Variants in EXTL3 observed in about 807,000 individuals in gnomAD.
EXTL3 encodes exostosin-like 3.
A neutral mutation model predicts 69.3 loss-of-function variants in EXTL3; 27 were observed. The ratio of observed to expected loss-of-function variants is 0.39; its 90% CI spans 0.29 to 0.54. The LOEUF (loss-of-function observed/expected upper bound fraction) is 0.54, where lower values mean the gene tolerates loss of function less well. Ranked by LOEUF, EXTL3 falls within the 20% of genes least tolerant of loss-of-function variation. The pLI is 0.69. For synonymous variants in EXTL3, 511 were observed against 499.4 expected (o/e 1.02, Z -0.31); for missense variants, 1,003 against 1,231.8 (o/e 0.81, Z 2.78).
upstream of EXTL3, chr8:28,701,470 C>A (rs1047829754): frequency 6.6e-6 from 1 of 152,076 alleles, no homozygotes; most frequent in African/African-American, 2.4e-5. Flanking sequence ...CCGGCTTCGG[C>A]CATTTCCGGC....
intron 3 of EXTL3, among the ~76,000 whole-genome samples, chr8:28,718,437 A>G (rs1286137694): frequency 6.6e-6 from 1 of 152,032 alleles, no homozygotes; most frequent in Non-Finnish European, 1.5e-5. Context: ...GGATCCCCAA[A>G]ACTGAAACTG....
In EXTL3 at chr8:28,751,529, A is replaced by G. The variant is rs1802003882; in HGVS notation, c.*663A>G. ...TTCCTTACCCTTTCTGTTGCCAGTC[A>G]GCAACCTGTAACTCACATTCTCTTC... On this transcript the variant is annotated 3_prime_UTR_variant, in exon 7 of 7. Coordinates refer to ENST00000220562, the MANE Select transcript of EXTL3 (RefSeq NM_001440.4). 1 of 152,338 alleles carries G rather than the reference A, an allele frequency of 6.6e-6. No homozygotes were observed. The highest frequency in any genetic ancestry group is 1.5e-5 in the Non-Finnish European group (1 of 68,168). 9.4% of individuals were successfully genotyped at this position (152,338 alleles called of 1,614,324 possible).
At chr8:28,742,731 CTTTTT>C in intron 5 of EXTL3, 2 of 260,244 alleles carry the variant, frequency 7.7e-6, no homozygotes. Flanking sequence ...TCTCACTTAT[CTTTTT>C]TTTTTTTTTT....
chr8:28,609,679 A>G (rs1806246437), intron 2 of EXTL3, among the ~76,000 whole-genome samples: 1 of 151,878 alleles, frequency 6.6e-6, no homozygotes, highest in African/African-American at 2.4e-5. Flanking sequence ...GGTGGAGCCC[A>G]GGAGTTCAAG....
At chr8:28,672,822 C>A (rs1807318410) in intron 1 of EXTL3, among the ~76,000 whole-genome samples, 3 of 152,192 alleles carry the variant, frequency 2.0e-5, no homozygotes, top group Non-Finnish European at 4.4e-5. Flanking sequence ...TGTCCCCATC[C>A]AAATCTCATC....
intron 2 of EXTL3, among the ~76,000 whole-genome samples, chr8:28,616,619 T>A (rs1806335119): frequency 7.0e-6 from 1 of 143,818 alleles, no homozygotes; most frequent in African/African-American, 2.6e-5. Context: ...AGAGCGAGAC[T>A]CCGTCTCAAA....
chr8:28,677,093 A>T (rs923165592), intron 1 of EXTL3, among the ~76,000 whole-genome samples: 1 of 152,166 alleles, frequency 6.6e-6, no homozygotes, highest in Non-Finnish European at 1.5e-5. Flanking sequence ...TGAAGGAGGC[A>T]GTAGAGACAG....
intron 6 of EXTL3, among the ~76,000 whole-genome samples, chr8:28,747,491 A>G (rs1490429319): frequency 2.0e-5 from 3 of 152,164 alleles, no homozygotes; most frequent in Non-Finnish European, 4.4e-5. Context: ...CTCTTCCACT[A>G]TTAAGTTATG....
At chr8:28,658,803 A>T (rs1003508585) in intron 1 of EXTL3, among the ~76,000 whole-genome samples, 4 of 150,544 alleles carry the variant, frequency 2.7e-5, no homozygotes, top group African/African-American at 9.8e-5. Flanking sequence ...CTTGTCTTGA[A>T]CTCCCAACCT....
In EXTL3 at chr8:28,623,159, C is replaced by G. The variant is rs1170455278; in HGVS notation, c.-53+349C>G. ...GAGAGTGTGGCTGTCGGCAGGGGTC[C>G]GTATCACACTGTGGGCGGGGGTCCC... On this transcript the variant is annotated intron_variant, in intron 1 of 6. Coordinates refer to the EXTL3 transcript ENST00000523149. This position sits in a 1 kb window ranked among gnomAD's most constrained non-coding sequence, Gnocchi z 4.2. Among the ~76,000 whole-genome samples the G allele has an allele frequency of 6.6e-6, 1 of 152,010 alleles. No homozygotes were observed. Among genetic ancestry groups the G allele is most frequent in the Admixed American group, 6.5e-5 (1 of 15,284 alleles).
At chr8:28,718,989 T>C (rs75541816) in intron 3 of EXTL3, among the ~76,000 whole-genome samples, 2,138 of 152,334 alleles carry the variant, frequency 0.014, 57 homozygotes, top group African/African-American at 0.049. Flanking sequence ...AGGAGAGAGA[T>C]GGCGACCATC....
intron 2 of EXTL3, among the ~76,000 whole-genome samples, chr8:28,608,461 C>T (rs766509311): frequency 2.9e-4 from 44 of 152,106 alleles, no homozygotes; most frequent in Admixed American, 5.9e-4. Flanking sequence ...TATTTGTTGA[C>T]AGCCAAAGAG....
At chr8:28,662,676 G>A (rs1296482178) in intron 1 of EXTL3, among the ~76,000 whole-genome samples, 3 of 152,210 alleles carry the variant, frequency 2.0e-5, no homozygotes, top group Non-Finnish European at 2.9e-5. Flanking sequence ...CACTTTGGGA[G>A]GCCAAGGCGG....
intron 1 of EXTL3, among the ~76,000 whole-genome samples, chr8:28,642,219 A>C (rs984634630): frequency 2.6e-5 from 4 of 152,084 alleles, no homozygotes; most frequent in Non-Finnish European, 5.9e-5. Flanking sequence ...CTAGGCAGGC[A>C]GATTGCTTGA....
intron 1 of EXTL3, among the ~76,000 whole-genome samples, chr8:28,671,926 G>C (rs1167192859): frequency 1.3e-5 from 2 of 152,158 alleles, no homozygotes; most frequent in African/African-American, 4.8e-5. Flanking sequence ...AAGTGCTTGA[G>C]CCCAGGAGTT....
At chr8:28,735,325 T>A (rs1039072454) in intron 4 of EXTL3, among the ~76,000 whole-genome samples, 31 of 152,106 alleles carry the variant, frequency 2.0e-4, no homozygotes, top group Admixed American at 2.0e-3. Flanking sequence ...AACCCTTAGA[T>A]CCAAGAATGA....
At chr8:28,618,413 G>C (rs7821680), upstream of EXTL3, among the ~76,000 whole-genome samples, 32,296 of 152,102 alleles carry the variant, frequency 0.21, 4,084 homozygotes, top group Non-Finnish European at 0.28. Flanking sequence ...AAATTCAGAG[G>C]GGGAAAATGC....
In EXTL3 at chr8:28,731,349, C is replaced by T. The variant is rs745640068; in HGVS notation, c.2275C>T (p.Arg759Trp). The T allele has an allele frequency of 1.9e-6, 3 of 1,614,162 alleles. No individual in the cohort carries two copies. Among genetic ancestry groups the T allele is most frequent in the African/African-American group, 1.3e-5 (1 of 75,034 alleles). Residue 759 changes from arginine (R) to tryptophan (W), a missense_variant and splice_region_variant, in exon 4 of 7, where the codon CGG becomes TGG. Around this residue, in one of 2 missense-constraint regions of EXTL3, gnomAD observed 261 missense variants for 416.4 expected, o/e 0.63. Coordinates refer to ENST00000220562, the MANE Select transcript of EXTL3 (RefSeq NM_001440.4). ...LRHDEIMFGF[R>W]VWREARDRIV... ...CCATGACGAAATCATGTTTGGGTTC[C>T]GGTGAGAGACTAATTTCCAATCAAA...
intron 1 of EXTL3, among the ~76,000 whole-genome samples, chr8:28,668,938 A>G (rs1445623162): frequency 7.4e-6 from 1 of 135,720 alleles, no homozygotes; most frequent in Non-Finnish European, 1.5e-5. Flanking sequence ...ATCTCAGCTC[A>G]CTGCAACCTC....
Sources: gnomAD v4.1 joint callset for allele counts (sites outside exome capture counted in the v4.1 genomes callset) on GRCh38, gnomAD v4.1.1 for gene constraint, gnomAD v4.1.1 regional missense constraint, Gnocchi (gnomAD v3.1) non-coding constraint, MANE v1.5 for transcripts, NCBI Gene and HGNC (gene_info 2026-07-23, HGNC 2026-07-21) for gene names.